Variants in SGCZ observed in about 807,000 individuals in gnomAD.
SGCZ encodes sarcoglycan zeta, also known as zeta-sarcoglycan.
In SGCZ, 40 loss-of-function variants were observed where a neutral mutation model predicts 41.3. That is an observed-to-expected ratio of 0.97 (90% CI 0.75 to 1.26). SGCZ has a LOEUF of 1.26. Among genes scored for constraint, SGCZ ranks in the 50% most tolerant of loss-of-function variants. The probability of loss-of-function intolerance (pLI) is 0.00; values close to 1 mark genes in which losing one functional copy is unlikely to be tolerated. For missense variants in SGCZ, 552 were observed against 369.8 expected, an observed-to-expected ratio of 1.49 and a Z score of -4.04; for synonymous variants, 206 against 137.5, an observed-to-expected ratio of 1.50 and a Z score of -3.49.
intron 1 of SGCZ, among the ~76,000 whole-genome samples, chr8:15,231,677 A>G (rs988212020): frequency 4.7e-5 from 6 of 126,732 alleles, no homozygotes; most frequent in African/African-American, 1.2e-4. Flanking sequence ...GCTGGAGTCC[A>G]GTGGCAAGAT....
chr8:14,828,563 A>G (rs1422211270), intron 1 of SGCZ, among the ~76,000 whole-genome samples: 5 of 152,218 alleles, frequency 3.3e-5, no homozygotes, highest in Non-Finnish European at 5.9e-5. Context: ...CAGGACAGAA[A>G]ACATGACTTC....
intron 1 of SGCZ, among the ~76,000 whole-genome samples, chr8:14,974,321 T>C (rs1801395364): frequency 6.6e-6 from 1 of 152,232 alleles, no homozygotes; most frequent in Non-Finnish European, 1.5e-5. Flanking sequence ...ATATAATTTC[T>C]GTAACTCCAT....
intron 4 of SGCZ, among the ~76,000 whole-genome samples, chr8:14,224,490 T>G (rs1585250005): frequency 6.6e-6 from 1 of 152,226 alleles, no homozygotes. Flanking sequence ...CCTGGCTTTG[T>G]GATAAAAATC....
intron 1 of SGCZ, among the ~76,000 whole-genome samples, chr8:14,896,215 T>C (rs368304937): frequency 2.3e-4 from 35 of 152,302 alleles, no homozygotes; most frequent in African/African-American, 8.2e-4. Context: ...CTTCCTCTCA[T>C]CCGGGAAAGC....
chr8:15,200,231 A>G (rs757248571), intron 1 of SGCZ, among the ~76,000 whole-genome samples: 3 of 152,238 alleles, frequency 2.0e-5, no homozygotes, highest in Non-Finnish European at 4.4e-5. Context: ...CTTTGGACTC[A>G]TTAAAGCTCC....
chr8:14,617,761 G>A (rs939720047), intron 1 of SGCZ, among the ~76,000 whole-genome samples: 2 of 152,068 alleles, frequency 1.3e-5, no homozygotes, highest in African/African-American at 4.8e-5. Context: ...AAAGTAGGGT[G>A]GGAATATTAT....
At position 14,678,960 on chromosome 8, in the gene SGCZ, C is replaced by A. The variant is rs567066888; in HGVS notation, c.40-124034G>T. Among the ~76,000 whole-genome samples, 27 of 152,266 alleles carry A rather than the reference C, an allele frequency of 1.8e-4. 1 individual carries two copies. The highest frequency in any genetic ancestry group is 1.5e-3 in the South Asian group (7 of 4,822). On this transcript the variant is annotated intron_variant, in intron 1 of 7. Transcript: ENST00000382080. ...CCTACATACTGTAAGATTCCAAATA[C>A]AGCATACCAACATTTCAGTCAAGGA...
intron 2 of SGCZ, among the ~76,000 whole-genome samples, chr8:14,386,622 A>T (rs1804588058): frequency 6.6e-6 from 1 of 152,200 alleles, no homozygotes; most frequent in Non-Finnish European, 1.5e-5. Flanking sequence ...ACTTTGTAAA[A>T]TAAATTATTT....
chr8:14,377,927 C>A lies in SGCZ; in HGVS notation c.235-53723G>T, dbSNP rs530290601. On this transcript the variant is annotated intron_variant, in intron 2 of 7. Coordinates refer to ENST00000382080, the MANE Select transcript of SGCZ (RefSeq NM_139167.4). The stretch of plus-strand genomic sequence containing the variant: ...GCCACATTTTCTTAATCCAGTCTAT[C>A]ATCGTTGGACATTAGGCTTGGTTCC... Among the ~76,000 whole-genome samples the A allele has an allele frequency of 7.7e-4, 115 of 148,538 alleles. 2 individuals carry two copies. Among genetic ancestry groups the A allele is most frequent in the Non-Finnish European group, 1.5e-3 (103 of 67,390 alleles).
At position 14,404,869 on chromosome 8, in the gene SGCZ, C is replaced by G. The variant is rs533837228; in HGVS notation, c.235-80665G>C. Among the ~76,000 whole-genome samples the G allele has an allele frequency of 1.7e-4, 26 of 152,320 alleles. No individual in the cohort carries two copies. The South Asian group carries it at 4.8e-3, about 28-fold the overall frequency. ...GCCAATAGGAGGCACTCAAGTGAGA[C>G]TGGGAGCAAGAGGAGTGGGAGAGTC... is the stretch of plus-strand genomic sequence containing the variant. On this transcript the variant is annotated intron_variant, in intron 2 of 7. Coordinates refer to ENST00000382080, the MANE Select transcript of SGCZ (RefSeq NM_139167.4).
chr8:15,107,638 C>G (rs1206638594), intron 1 of SGCZ, among the ~76,000 whole-genome samples: 2 of 152,182 alleles, frequency 1.3e-5, no homozygotes, highest in Non-Finnish European at 2.9e-5. Flanking sequence ...GGACTGTGAA[C>G]TACATAAACC....
In SGCZ at chr8:14,186,205, A is replaced by G. The variant is rs545832820; in HGVS notation, c.425-21503T>C. On this transcript the variant is annotated intron_variant, in intron 4 of 7. Transcript: ENST00000382080. ...CCGTCCAGTAAAACAGCTTAAAATC[A>G]TTTTGAAAACAACAATTTAATGTTT... Among the ~76,000 whole-genome samples, 352 of 152,354 alleles carry G rather than the reference A, an allele frequency of 2.3e-3. 1 individual carries two copies. Among genetic ancestry groups the G allele is most frequent in the African/African-American group, 8.2e-3 (340 of 41,582 alleles).
chr8:15,177,227 C>T (rs1800027621), intron 1 of SGCZ, among the ~76,000 whole-genome samples: 1 of 152,068 alleles, frequency 6.6e-6, no homozygotes, highest in Non-Finnish European at 1.5e-5. Flanking sequence ...CAAGAGAACA[C>T]AATATGACAA....
intron 1 of SGCZ, among the ~76,000 whole-genome samples, chr8:14,783,582 T>A (rs1267803397): frequency 6.6e-6 from 1 of 152,182 alleles, no homozygotes; most frequent in African/African-American, 2.4e-5. Flanking sequence ...TAATAATTTT[T>A]TTTTCCTTCA....
chr8:15,124,614 G>T (rs1807609106), intron 1 of SGCZ, among the ~76,000 whole-genome samples: 1 of 152,096 alleles, frequency 6.6e-6, no homozygotes, highest in Non-Finnish European at 1.5e-5. Context: ...AATTGTAAAA[G>T]CAATTGCCAA....
intron 3 of SGCZ, among the ~76,000 whole-genome samples, chr8:14,255,497 A>G (rs1585286119): frequency 6.6e-6 from 1 of 152,330 alleles, no homozygotes; most frequent in East Asian, 1.9e-4. Flanking sequence ...TAAAAGTACA[A>G]TTAAAATTTG....
intron 1 of SGCZ, among the ~76,000 whole-genome samples, chr8:15,162,303 C>A (rs550776250): frequency 2.2e-4 from 33 of 152,182 alleles, no homozygotes; most frequent in African/African-American, 7.5e-4. Flanking sequence ...TTTTAAAAAA[C>A]GGCCAAAAGT....
At chr8:15,000,215 C>A (rs1217316481) in intron 1 of SGCZ, among the ~76,000 whole-genome samples, 1 of 152,136 alleles carries the variant, frequency 6.6e-6, no homozygotes, top group South Asian at 2.1e-4. Flanking sequence ...CCCTGCCCAG[C>A]ACCTTGATCT....
chr8:14,951,017 T>C (rs552118731), intron 1 of SGCZ, among the ~76,000 whole-genome samples: 1 of 152,184 alleles, frequency 6.6e-6, no homozygotes, highest in South Asian at 2.1e-4. Context: ...AAATGAGTAG[T>C]GCTTCTGTTA....
Sources: gnomAD v4.1 joint callset for allele counts (sites outside exome capture counted in the v4.1 genomes callset) on GRCh38, gnomAD v4.1.1 for gene constraint, MANE v1.5 for transcripts, NCBI Gene and HGNC (gene_info 2026-07-23, HGNC 2026-07-21) for gene names.